EML1: variants seen among roughly 807,000 people sequenced by gnomAD.
The protein encoded by EML1 is EMAP like 1, also known as echinoderm microtubule-associated protein-like 1.
In EML1, 27 loss-of-function variants were observed where a neutral mutation model predicts 110.4. The observed-to-expected ratio is 0.24, with a 90% CI of 0.18 to 0.34. The LOEUF (loss-of-function observed/expected upper bound fraction) is 0.34, where lower values mean the gene tolerates loss of function less well. Ranked by LOEUF, EML1 falls within the 10% of genes least tolerant of loss-of-function variation. The pLI, the probability that EML1 is intolerant of heterozygous loss-of-function variation, is 1.00. For synonymous variants in EML1, 344 were observed against 385.8 expected (o/e 0.89, Z 1.27); for missense variants, 741 against 1,030.9 (o/e 0.72, Z 3.85).
intron 1 of EML1, among the ~76,000 whole-genome samples, chr14:99,806,307 C>T (rs1164147099): frequency 1.4e-5 from 2 of 146,896 alleles, no homozygotes. Context: ...GGTATCCGAT[C>T]TCCAGAATCT....
intron 1 of EML1, among the ~76,000 whole-genome samples, chr14:99,779,128 A>G (rs1214214594): frequency 6.6e-6 from 1 of 151,612 alleles, no homozygotes; most frequent in Admixed American, 6.6e-5. Context: ...CCCTTCCTCT[A>G]TTTTCTTCAT....
chr14:99,814,825 T>C (rs184707531), intron 1 of EML1, among the ~76,000 whole-genome samples: 13 of 152,248 alleles, frequency 8.5e-5, no homozygotes, highest in Admixed American at 3.9e-4. Context: ...TGGGGCTCAA[T>C]GGATGTTATT....
At chr14:99,763,720 G>A (rs2140190973) in intron 1 of EML1, among the ~76,000 whole-genome samples, 1 of 152,266 alleles carries the variant, frequency 6.6e-6, no homozygotes, top group East Asian at 1.9e-4. Flanking sequence ...TGTTTCGATT[G>A]ATTTCACCTT....
intron 4 of EML1, among the ~76,000 whole-genome samples, chr14:99,890,730 T>C (rs1437195697): frequency 2.6e-5 from 4 of 152,210 alleles, no homozygotes; most frequent in Non-Finnish European, 4.4e-5. Context: ...TTCTATTTTA[T>C]GTTCACCCAC....
At chr14:99,804,730 G>A (rs2057940580) in intron 1 of EML1, among the ~76,000 whole-genome samples, 2 of 152,160 alleles carry the variant, frequency 1.3e-5, no homozygotes, top group Admixed American at 1.3e-4. Flanking sequence ...CTTTCCCTTG[G>A]ATTATTGGAG....
chr14:99,851,028 T>C lies in EML1; in HGVS notation c.243T>C (p.Pro81=), dbSNP rs1313665263. Residue 81 remains proline (P), a synonymous_variant, in exon 2 of 22, where the codon CCT becomes CCC. Coordinates refer to ENST00000262233, the MANE Select transcript of EML1 (RefSeq NM_004434.3). ...EQQAVLNRKG[P]TKARPLMQTL... ...AGGCCGTGCTTAACAGGAAAGGACC[T>C]ACCAAAGGTGGGCGTTTGAGTGACA... The C allele has an allele frequency of 6.2e-7, 1 of 1,610,342 alleles. No homozygotes were observed. Among genetic ancestry groups the C allele is most frequent in the East Asian group, 2.2e-5 (1 of 44,758 alleles).
chr14:99,884,262 G>A (rs1227894971), intron 4 of EML1, among the ~76,000 whole-genome samples: 1 of 152,074 alleles, frequency 6.6e-6, no homozygotes, highest in Non-Finnish European at 1.5e-5. Flanking sequence ...TTTTTTCTTG[G>A]GGATGTCTTG....
chr14:99,852,630 C>T (rs2058831139), intron 2 of EML1, among the ~76,000 whole-genome samples: 1 of 152,148 alleles, frequency 6.6e-6, no homozygotes, highest in Admixed American at 6.6e-5. Context: ...AAAAGGAATA[C>T]CTTTCATTGT....
rs1199001585 is a variant in EML1 at position 99,819,776 on chromosome 14, C to T, written c.67+26233C>T. Reference sequence around the variant, plus strand: ...TGCAACAGGAGCCCAGCCTCTCGCACCGAGCATCCCTCAGTGAAGCGCCCA... The same window carrying T: ...TGCAACAGGAGCCCAGCCTCTCGCATCGAGCATCCCTCAGTGAAGCGCCCA... On this transcript the variant is annotated intron_variant, in intron 1 of 21. Coordinates refer to ENST00000262233, the MANE Select transcript of EML1 (RefSeq NM_004434.3). Among the ~76,000 whole-genome samples, 3 of 152,326 alleles carry T rather than the reference C, an allele frequency of 2.0e-5. No individual in the cohort carries two copies. In the East Asian group the frequency reaches 5.8e-4, roughly 29 times the overall value.
At chr14:99,928,563 G>A (rs1280627455) in intron 17 of EML1, among the ~76,000 whole-genome samples, 2 of 152,086 alleles carry the variant, frequency 1.3e-5, no homozygotes, top group Non-Finnish European at 2.9e-5. Flanking sequence ...TTATGTTGTG[G>A]GAAATACTGT....
intron 3 of EML1, among the ~76,000 whole-genome samples, chr14:99,868,981 GT>G (rs2059149494): frequency 1.3e-5 from 2 of 152,122 alleles, no homozygotes; most frequent in Non-Finnish European, 2.9e-5. Context: ...ACTGCCTCCT[GT>G]AAAGTTTTGG....
chr14:99,775,532 T>C (rs1449622803), intron 1 of EML1, among the ~76,000 whole-genome samples: 2 of 152,178 alleles, frequency 1.3e-5, no homozygotes, highest in East Asian at 1.9e-4. Flanking sequence ...GGCTGAGGCA[T>C]GGATGGACGT....
chr14:99,937,287 T>A (rs192065844), intron 19 of EML1, among the ~76,000 whole-genome samples: 8 of 152,184 alleles, frequency 5.3e-5, no homozygotes, highest in Admixed American at 2.0e-4. Flanking sequence ...ACAGGAACGG[T>A]ATGATTTTCA....
At chr14:99,863,291 C>T (rs555205182) in intron 2 of EML1, among the ~76,000 whole-genome samples, 1 of 152,316 alleles carries the variant, frequency 6.6e-6, no homozygotes, top group East Asian at 1.9e-4. Flanking sequence ...CTTCCTGCCC[C>T]CCACTACCTT....
chr14:99,764,913 A>G (rs1193190187), intron 1 of EML1, among the ~76,000 whole-genome samples: 1 of 151,812 alleles, frequency 6.6e-6, no homozygotes, highest in Non-Finnish European at 1.5e-5. Context: ...TACTATCTTA[A>G]TCGTTTTTGT....
chr14:99,758,711 A>G (rs778319837), intron 1 of EML1, among the ~76,000 whole-genome samples: 1 of 152,124 alleles, frequency 6.6e-6, no homozygotes, highest in African/African-American at 2.4e-5. Context: ...CTCATAAATT[A>G]TGCATTCCAT....
chr14:99,917,723 GTTT>G (rs1261270447), intron 15 of EML1, 56 bp from the exon 16 acceptor site: 1 of 1,566,962 alleles, frequency 6.4e-7, no homozygotes, highest in Non-Finnish European at 8.8e-7. Flanking sequence ...ACGTGTGTGT[GTTT>G]TATGCTATAG....
At chr14:99,935,930 G>A in intron 17 of EML1, 99 bp from the exon 18 acceptor site, 1 of 1,105,202 alleles carries the variant, frequency 9.0e-7, no homozygotes, top group South Asian at 1.4e-5. Context: ...TTAATCTGGT[G>A]ATTTTGTCTA....
intron 16 of EML1, 33 bp downstream of exon 16, chr14:99,917,882 A>C (rs369049948): frequency 6.2e-7 from 1 of 1,609,968 alleles, no homozygotes; most frequent in African/African-American, 1.3e-5. Context: ...TGTGCTTGCA[A>C]AGCTTATGGA....
Sources: allele counts gnomAD v4.1 joint callset (sites outside exome capture counted in the v4.1 genomes callset), GRCh38; gene constraint gnomAD v4.1.1; transcripts MANE v1.5; gene names NCBI Gene and HGNC (gene_info 2026-07-23, HGNC 2026-07-21).